The following RNF152 variants were observed in gnomAD, a reference collection of about 807,000 sequenced individuals.
RNF152 encodes E3 ubiquitin-protein ligase RNF152.
A neutral mutation model predicts 12.7 loss-of-function variants in RNF152; 11 were observed. The observed-to-expected ratio is 0.86, with a 90% CI of 0.54 to 1.43. The LOEUF (loss-of-function observed/expected upper bound fraction) is 1.43, where lower values mean the gene tolerates loss of function less well. Among genes scored for constraint, RNF152 ranks in the 40% most tolerant of loss-of-function variants. The pLI is 0.00. For synonymous variants in RNF152, 113 were observed against 120.3 expected (o/e 0.94, Z 0.40); for missense variants, 255 against 274.8 (o/e 0.93, Z 0.51).
At chr18:61,871,345 G>A (rs887819824) in intron 1 of RNF152, among the ~76,000 whole-genome samples, 1 of 152,032 alleles carries the variant, frequency 6.6e-6, no homozygotes, top group African/African-American at 2.4e-5. Context: ...TGAGAATTAG[G>A]TAACACATAT....
At chr18:61,859,180 T>C (rs1911353123) in intron 1 of RNF152, among the ~76,000 whole-genome samples, 1 of 152,150 alleles carries the variant, frequency 6.6e-6, no homozygotes, top group South Asian at 2.1e-4. Flanking sequence ...CTTGCTCAAA[T>C]TCCCACCTCA....
Position 61,816,497 on chromosome 18 carries a change from T to A in RNF152, c.-34A>T. 1 of 1,568,112 alleles carries A rather than the reference T, an allele frequency of 6.4e-7. No individual in the cohort carries two copies. Among genetic ancestry groups the A allele is most frequent in the East Asian group, 2.3e-5 (1 of 44,304 alleles). On this transcript the variant is annotated 5_prime_UTR_variant, in exon 2 of 2. Coordinates refer to ENST00000312828, the MANE Select transcript of RNF152 (RefSeq NM_173557.3). ...GTGAGCAGGAAGGGCAAGGCCAAGGTGAAGGGGAAGGAGCTGCTTCTCAGA... is the reference window on the plus strand; with the variant it reads ...GTGAGCAGGAAGGGCAAGGCCAAGGAGAAGGGGAAGGAGCTGCTTCTCAGA...
In RNF152 at chr18:61,839,548, G is replaced by T. The variant is rs566553237; in HGVS notation, c.-135-22950C>A. Among the ~76,000 whole-genome samples the T allele has an allele frequency of 5.3e-5, 8 of 152,258 alleles. No homozygotes were observed. In the South Asian group the frequency reaches 1.7e-3, roughly 32 times the overall value. ...CGTCCTAGCAGGTGGTTGTGTTGTA[G>T]TAACTTTGATCACCTGTCCCTCCTT... On this transcript the variant is annotated intron_variant, in intron 1 of 1. Coordinates refer to ENST00000312828, the MANE Select transcript of RNF152 (RefSeq NM_173557.3).
chr18:61,864,789 G>A (rs1470181701), intron 1 of RNF152, among the ~76,000 whole-genome samples: 1 of 152,168 alleles, frequency 6.6e-6, no homozygotes, highest in Non-Finnish European at 1.5e-5. Flanking sequence ...GCTCACGCCT[G>A]CCGAGGCAGG....
In RNF152 at chr18:61,808,484, A is replaced by G. The variant is rs181526029; in HGVS notation, c.*7368T>C. 1 of 151,144 alleles carries G rather than the reference A, an allele frequency of 6.6e-6. No individual in the cohort carries two copies. Among genetic ancestry groups the G allele is most frequent in the African/African-American group, 2.4e-5 (1 of 41,126 alleles). The allele number at this position is 151,144 out of a possible 1,614,324, so 9.4% of individuals were successfully genotyped here. On this transcript the variant is annotated 3_prime_UTR_variant, in exon 2 of 2. Coordinates refer to ENST00000312828, the MANE Select transcript of RNF152 (RefSeq NM_173557.3). ...GGATTTGAGTTAATAGCCTCTGAGC[A>G]GCATTAATATAGCCATTAGACTGGA...
intron 1 of RNF152, among the ~76,000 whole-genome samples, chr18:61,864,226 C>T (rs1474407509): frequency 6.6e-6 from 1 of 152,156 alleles, no homozygotes; most frequent in Admixed American, 6.5e-5. Flanking sequence ...TTTCAGACAC[C>T]AAGCATAAGT....
intron 1 of RNF152, among the ~76,000 whole-genome samples, chr18:61,843,138 A>G (rs1432127880): frequency 6.6e-6 from 1 of 152,230 alleles, no homozygotes; most frequent in Non-Finnish European, 1.5e-5. Flanking sequence ...AGGATTTTAG[A>G]ATGCCAGGTA....
intron 1 of RNF152, among the ~76,000 whole-genome samples, chr18:61,865,531 C>G (rs1331128567): frequency 6.6e-6 from 1 of 152,180 alleles, no homozygotes; most frequent in East Asian, 1.9e-4. Context: ...AAACGCAATA[C>G]TATTTGTCCC....
In RNF152 at chr18:61,813,501, C is replaced by T. The variant is rs1420743456; in HGVS notation, c.*2351G>A. On this transcript the variant is annotated 3_prime_UTR_variant, in exon 2 of 2. Coordinates refer to ENST00000312828, the MANE Select transcript of RNF152 (RefSeq NM_173557.3). ...CGATTAATTTTGCACTGCTTAATGG[C>T]AACTCTAGCATGGGATTGTTTTTAA... is the stretch of plus-strand genomic sequence containing the variant. 6.6e-6 allele frequency: 1 copy of T among 152,144 alleles called. No homozygotes were observed. The highest frequency in any genetic ancestry group is 1.5e-5 in the Non-Finnish European group (1 of 68,030). The allele number at this position is 152,144 out of a possible 1,614,324, so 9.4% of individuals were successfully genotyped here.
chr18:61,837,410 C>T (rs775137278), intron 1 of RNF152, among the ~76,000 whole-genome samples: 9 of 151,996 alleles, frequency 5.9e-5, no homozygotes, highest in Admixed American at 1.3e-4. Context: ...GATAATGGTG[C>T]GATTATGTAA....
chr18:61,882,699 T>C (rs1264533337), intron 1 of RNF152, among the ~76,000 whole-genome samples: 4 of 152,088 alleles, frequency 2.6e-5, no homozygotes, highest in Non-Finnish European at 5.9e-5. Context: ...AGAGAGGAAA[T>C]GCTGGCAAAT....
intron 1 of RNF152, among the ~76,000 whole-genome samples, chr18:61,856,517 C>G (rs540150543): frequency 1.3e-5 from 2 of 152,254 alleles, no homozygotes; most frequent in African/African-American, 4.8e-5. Flanking sequence ...ATAGCTAGGA[C>G]CCTTCTAGCC....
chr18:61,847,927 C>T (rs1009232618), intron 1 of RNF152, among the ~76,000 whole-genome samples: 1 of 152,126 alleles, frequency 6.6e-6, no homozygotes, highest in Non-Finnish European at 1.5e-5. Context: ...TCCTTGACTG[C>T]CTTTTTACAC....
chr18:61,816,179 G>A lies in RNF152; in HGVS notation c.285C>T (p.Pro95=), dbSNP rs748828483. The A allele has an allele frequency of 1.9e-6, 3 of 1,614,246 alleles. No homozygotes were observed. The highest frequency in any genetic ancestry group is 1.1e-5 in the South Asian group (1 of 91,078). Residue 95 remains proline, a synonymous_variant, in exon 2 of 2, where the codon CCC becomes CCT. Transcript: ENST00000312828. ...GGGGCAGCATGTAGCACCCATTGCT[G>A]GGAAGTTTGATGAAGACCGGGGTGT... ...SEHTPVFIKL[P]SNGCYMLPLP... is the part of the protein sequence containing the mutation.
At chr18:61,888,916 G>A (rs1167713679) in intron 1 of RNF152, 12 of 152,240 alleles carry the variant, frequency 7.9e-5, no homozygotes, top group Admixed American at 7.2e-4. Flanking sequence ...ACTTGGGTAT[G>A]AAATTAAAGT....
At chr18:61,831,567 T>G (rs1599274441) in intron 1 of RNF152, among the ~76,000 whole-genome samples, 1 of 152,180 alleles carries the variant, frequency 6.6e-6, no homozygotes, top group Admixed American at 6.5e-5. Flanking sequence ...TATGGATTAT[T>G]CATACTTTTA....
chr18:61,829,415 C>T (rs754028214), intron 1 of RNF152, among the ~76,000 whole-genome samples: 1 of 151,982 alleles, frequency 6.6e-6, no homozygotes, highest in Non-Finnish European at 1.5e-5. Context: ...AGCGGCTGTC[C>T]CTGCAGCTGG....
intron 1 of RNF152, among the ~76,000 whole-genome samples, chr18:61,828,439 T>C (rs566272418): frequency 1.3e-5 from 2 of 152,082 alleles, no homozygotes; most frequent in African/African-American, 2.4e-5. Flanking sequence ...AACATTTTTT[T>C]GTAGAGACGG....
chr18:61,828,856 G>A (rs1599271036), intron 1 of RNF152, among the ~76,000 whole-genome samples: 1 of 152,176 alleles, frequency 6.6e-6, no homozygotes, highest in Non-Finnish European at 1.5e-5. Context: ...GGGGAATACA[G>A]GCAGCCATGC....
Sources: allele counts gnomAD v4.1 joint callset (sites outside exome capture counted in the v4.1 genomes callset), GRCh38; gene constraint gnomAD v4.1.1; transcripts MANE v1.5; gene names NCBI Gene and HGNC (gene_info 2026-07-23, HGNC 2026-07-21).